Variants in SLC30A1 observed in about 807,000 individuals in gnomAD.
SLC30A1 encodes the protein proton-coupled zinc antiporter SLC30A1.
A neutral mutation model predicts 29.8 loss-of-function variants in SLC30A1; 7 were observed. That is an observed-to-expected ratio of 0.23 (90% CI 0.13 to 0.44). The LOEUF (loss-of-function observed/expected upper bound fraction) is 0.44, where lower values mean the gene tolerates loss of function less well. Ranked by LOEUF, SLC30A1 falls within the 20% of genes least tolerant of loss-of-function variation. SLC30A1 has a pLI of 1.00. For missense variants in SLC30A1, 446 were observed against 647.9 expected (o/e 0.69, Z 3.38); for synonymous variants, 254 against 253.5 (o/e 1.00, Z -0.02).
Position 211,578,639 on chromosome 1 carries a change from C to T in SLC30A1, c.-27G>A, listed in dbSNP as rs770319865. The T allele has an allele frequency of 1.5e-5, 22 of 1,508,770 alleles. No individual in the cohort carries two copies. Among genetic ancestry groups the T allele is most frequent in the Non-Finnish European group, 4.4e-6 (5 of 1,135,826 alleles). The allele number at this position is 1,508,770 out of a possible 1,614,324, so 93.5% of individuals were successfully genotyped here. ...GCTGCGGCTGCGGGGCCCGCCGAGCCCGGCCCGGAGACTGGTGCAGCGGCG... is the reference window on the plus strand; with the variant it reads ...GCTGCGGCTGCGGGGCCCGCCGAGCTCGGCCCGGAGACTGGTGCAGCGGCG... On this transcript the variant is annotated 5_prime_UTR_variant, in exon 1 of 2. Coordinates refer to ENST00000367001, the MANE Select transcript of SLC30A1 (RefSeq NM_021194.3).
In SLC30A1 at chr1:211,578,061, G is replaced by C. The variant is rs201826175; in HGVS notation, c.552C>G (p.Pro184=). Residue 184 remains proline, a synonymous_variant, in exon 1 of 2, where the codon CCC becomes CCG. Transcript: ENST00000367001. The part of the protein sequence containing the change: ...DINVAPGEQG[P]DQEETNTLVA... ...CCAGGGTGTTGGTCTCCTCCTGGTC[G>C]GGACCCTGCTCGCCCGGGGCCACGT... 5 of 1,612,922 alleles carry C rather than the reference G, an allele frequency of 3.1e-6. No individual in the cohort carries two copies. In the South Asian group the frequency reaches 3.3e-5, roughly 11 times the overall value.
Position 211,578,590 on chromosome 1 carries a change from C to G in SLC30A1, c.23G>C (p.Arg8Pro), listed in dbSNP as rs1400097138. The G allele has an allele frequency of 1.9e-6, 3 of 1,599,668 alleles. No homozygotes were observed. The highest frequency in any genetic ancestry group is 1.7e-5 in the Admixed American group (1 of 59,648). Residue 8 changes from arginine to proline, a missense_variant, in exon 1 of 2, where the codon CGG (arginine) becomes CCG (proline). Physicochemically the swap from Arg to Pro is moderately radical, Grantham distance 103. This residue lies in a region of SLC30A1 where 62 missense variants were observed against 91.5 expected (regional missense o/e 0.68). Coordinates refer to ENST00000367001, the MANE Select transcript of SLC30A1 (RefSeq NM_021194.3). MGCWGRN[R>P]GRLLCMLALT... The stretch of plus-strand genomic sequence containing the variant: ...CGCCAGCATGCACAGCAGCCGGCCC[C>G]GGTTCCGACCCCAACACCCCATGGC...
In SLC30A1 at chr1:211,576,190, C is replaced by G. The variant is rs753938415; in HGVS notation, c.722G>C (p.Gly241Ala). 1 of 1,613,670 alleles carries G rather than the reference C, an allele frequency of 6.2e-7. No homozygotes were observed. Among genetic ancestry groups the G allele is most frequent in the South Asian group, 1.1e-5 (1 of 91,082 alleles). ...DHMELEEDRAGQLNMRGVFLH... is the reference protein window; with the variant it reads ...DHMELEEDRAAQLNMRGVFLH... ...AAAAACTCCACGCATGTTAAGTTGT[C>G]CAGCCCTATCTTCTTCCAGTTCCAT... is the stretch of plus-strand genomic sequence containing the variant. The change falls in exon 2 of 2, where the codon GGA becomes GCA. Residue 241 changes from glycine to alanine, a missense_variant. Gly to Ala is a moderately conservative substitution (Grantham distance 60). Around this residue, in one of 5 missense-constraint regions of SLC30A1, gnomAD observed 159 missense variants for 161.1 expected, o/e 0.99. Coordinates refer to ENST00000367001, the MANE Select transcript of SLC30A1 (RefSeq NM_021194.3).
rs912109172 is a variant in SLC30A1 at position 211,578,962 on chromosome 1, C to T, written c.-350G>A. Among the ~76,000 whole-genome samples, 13 of 152,146 alleles carry T rather than the reference C, an allele frequency of 8.5e-5. No homozygotes were observed. In the East Asian group the frequency reaches 1.2e-3, roughly 14 times the overall value. ...GAGCCGGGGTACCAAGAGCCGCAGC[C>T]GGAGCAGGAGCAGGAGGGCGGCGGG... On this transcript the variant is annotated 5_prime_UTR_variant, in exon 1 of 2. Coordinates refer to ENST00000367001, the MANE Select transcript of SLC30A1 (RefSeq NM_021194.3).
chr1:211,578,595 C>T lies in SLC30A1; in HGVS notation c.18G>A (p.Arg6=). The T allele has an allele frequency of 1.3e-6, 2 of 1,598,306 alleles. No homozygotes were observed. The highest frequency in any genetic ancestry group is 1.7e-6 in the Non-Finnish European group (2 of 1,177,476). The change falls in exon 1 of 2, where the codon CGG becomes CGA. Residue 6 remains arginine (R), a synonymous_variant. Transcript: ENST00000367001. The part of the protein sequence containing the change: MGCWG[R]NRGRLLCMLA... ...GCATGCACAGCAGCCGGCCCCGGTT[C>T]CGACCCCAACACCCCATGGCTGCGG...
Position 211,578,631 on chromosome 1 carries a change from C to A in SLC30A1, c.-19G>T, listed in dbSNP as rs771166629. 4 of 1,522,148 alleles carry A rather than the reference C, an allele frequency of 2.6e-6. No homozygotes were observed. The highest frequency in any genetic ancestry group is 2.4e-5 in the East Asian group (1 of 41,810). 94.3% of individuals were successfully genotyped at this position (1,522,148 alleles called of 1,614,324 possible). On this transcript the variant is annotated 5_prime_UTR_variant, in exon 1 of 2. Coordinates refer to ENST00000367001, the MANE Select transcript of SLC30A1 (RefSeq NM_021194.3). The stretch of plus-strand genomic sequence containing the variant: ...ACCCCATGGCTGCGGCTGCGGGGCC[C>A]GCCGAGCCCGGCCCGGAGACTGGTG...
chr1:211,575,042 C>A lies in SLC30A1; in HGVS notation c.*346G>T. The A allele has an allele frequency of 5.8e-6, 1 of 172,436 alleles. No homozygotes were observed. The highest frequency in any genetic ancestry group is 1.2e-5 in the Non-Finnish European group (1 of 81,078). The allele number at this position is 172,436 out of a possible 1,614,324, so 10.7% of individuals were successfully genotyped here. ...GGGGAAAAGAAAAGCAGAGAAATTC[C>A]AGTAACAATTTTATTTATCCCCCTA... is the stretch of plus-strand genomic sequence containing the variant. On this transcript the variant is annotated 3_prime_UTR_variant, in exon 2 of 2. Transcript: ENST00000367001. This position sits in a 1 kb window ranked among gnomAD's most constrained non-coding sequence, Gnocchi z 6.0.
chr1:211,577,490 T>C lies in SLC30A1; in HGVS notation c.622+501A>G, dbSNP rs1706733770. ...GGGTTTACACGCTCTGAATGCATAT[T>C]ATGAAACGGAGTTCAATGGGCATAA... On this transcript the variant is annotated intron_variant, in intron 1 of 1. Coordinates refer to ENST00000367001, the MANE Select transcript of SLC30A1 (RefSeq NM_021194.3). This position sits in a 1 kb window ranked among gnomAD's most constrained non-coding sequence, Gnocchi z 4.5. Among the ~76,000 whole-genome samples the C allele has an allele frequency of 6.6e-6, 1 of 152,198 alleles. No homozygotes were observed. The highest frequency in any genetic ancestry group is 1.5e-5 in the Non-Finnish European group (1 of 68,036).
rs1049195080 is a variant in SLC30A1 at position 211,576,286 on chromosome 1, G to A, written c.626C>T (p.Pro209Leu). 2.6e-6 allele frequency: 4 copies of A among 1,557,996 alleles called. No individual in the cohort carries two copies. Among genetic ancestry groups the A allele is most frequent in the Non-Finnish European group, 3.5e-6 (4 of 1,153,916 alleles). Reference protein sequence around the residue: ...SNGLKLDPADPENPRSGDTVE... With the variant: ...SNGLKLDPADLENPRSGDTVE... The stretch of plus-strand genomic sequence containing the variant: ...TGTATCACCACTTCTGGGGTTTTCT[G>A]GGTCTACAAAGAAATAAAAATTTTA... Residue 209 changes from proline to leucine, a missense_variant, in exon 2 of 2, where the codon CCA becomes CTA. By Grantham distance (98) the Pro-to-Leu change is moderately conservative. This residue lies in a region of SLC30A1 where 159 missense variants were observed against 161.1 expected (regional missense o/e 0.99). Coordinates refer to ENST00000367001, the MANE Select transcript of SLC30A1 (RefSeq NM_021194.3).
chr1:211,577,859 G>GT lies in SLC30A1; in HGVS notation c.622+131_622+132insA. On this transcript the variant is annotated intron_variant, in intron 1 of 1. Transcript: ENST00000367001. This position sits in a 1 kb window ranked among gnomAD's most constrained non-coding sequence, Gnocchi z 4.5. ...AGCGGGGCGTGTGCAGGACGGGGAG[G>GT]GAGCAGGCAGGGGCGGCGCGGCGCA... 18 of 1,211,590 alleles carry GT rather than the reference G, an allele frequency of 1.5e-5. No homozygotes were observed. The highest frequency in any genetic ancestry group is 2.0e-5 in the Non-Finnish European group (18 of 890,246). 75.1% of individuals were successfully genotyped at this position (1,211,590 alleles called of 1,614,324 possible). A position where few individuals can be genotyped will look rare whatever the true frequency, so the allele number is the denominator to read the frequency against.
In SLC30A1 at chr1:211,578,508, C is replaced by A. The variant is rs577421431; in HGVS notation, c.105G>T (p.Leu35=). Residue 35 remains leucine, a synonymous_variant, in exon 1 of 2, where the codon CTG becomes CTT. Transcript: ENST00000367001. ...EVVVSRVTSS[L]AMLSDSFHML... is the part of the protein sequence containing the mutation. The stretch of plus-strand genomic sequence containing the variant: ...TGTGGAAGGAGTCGGAGAGCATCGC[C>A]AGCGACGAGGTCACCCGGCTCACCA... 23 of 1,611,570 alleles carry A rather than the reference C, an allele frequency of 1.4e-5. No homozygotes were observed. The highest frequency in any genetic ancestry group is 3.3e-5 in the South Asian group (3 of 90,786).
rs1041128149 is a variant in SLC30A1, at chr1:211,573,855, C to G, written c.*1533G>C. ...ATCAGCTGTTCTTAAATAGGCCCATCGCCAGCAATAGGCTTATACTAGGAA... is the reference window on the plus strand; with the variant it reads ...ATCAGCTGTTCTTAAATAGGCCCATGGCCAGCAATAGGCTTATACTAGGAA... On this transcript the variant is annotated 3_prime_UTR_variant, in exon 2 of 2. Transcript: ENST00000367001. The G allele has an allele frequency of 6.6e-6, 1 of 152,420 alleles. No individual in the cohort carries two copies. Among genetic ancestry groups the G allele is most frequent in the East Asian group, 1.9e-4 (1 of 5,194 alleles). 9.4% of individuals were successfully genotyped at this position (152,420 alleles called of 1,614,324 possible).
Position 211,575,448 on chromosome 1 carries a change from G to A in SLC30A1, c.1464C>T (p.Ile488=). The change falls in exon 2 of 2, where the codon ATC becomes ATT. Residue 488 remains isoleucine (I), a synonymous_variant. Transcript: ENST00000367001. The surrounding 1 kb of genome is among the most constrained non-coding windows in gnomAD (Gnocchi z 6.0). The stretch of plus-strand genomic sequence containing the variant: ...TTTTAATCTCTATCACAACAGCAGG[G>A]ATGTTTTCAGCTTTAGTCCTCCTGG... ...KKPRRTKAEN[I]PAVVIEIKNM... is the part of the protein sequence containing the mutation. 6.2e-7 allele frequency: 1 copy of A among 1,613,758 alleles called. No individual in the cohort carries two copies. Among genetic ancestry groups the A allele is most frequent in the Non-Finnish European group, 8.5e-7 (1 of 1,179,840 alleles).
In SLC30A1 at chr1:211,574,768, A is replaced by C. The variant is rs1706698372; in HGVS notation, c.*620T>G. On this transcript the variant is annotated 3_prime_UTR_variant, in exon 2 of 2. Transcript: ENST00000367001. ...CTTTCTTCCTTGCTCTTACTACCCC[A>C]TTTGCCCCATTGTGTGTAAACTGTA... 1 of 152,130 alleles carries C rather than the reference A, an allele frequency of 6.6e-6. No individual in the cohort carries two copies. Among genetic ancestry groups the C allele is most frequent in the African/African-American group, 2.4e-5 (1 of 41,448 alleles). 9.4% of individuals were successfully genotyped at this position (152,130 alleles called of 1,614,324 possible). A position where few individuals can be genotyped will look rare whatever the true frequency, so the allele number is the denominator to read the frequency against.
rs1394391322 is a variant in SLC30A1 at position 211,578,927 on chromosome 1, T to TGGGCTCCAGGAGCC, written c.-316_-315insGGCTCCTGGAGCCC. On this transcript the variant is annotated 5_prime_UTR_variant, in exon 1 of 2. The change creates a premature stop within an existing upstream ORF in the 5' untranslated region. Transcript: ENST00000367001. ...CCAGGCGGCGGCGGTGGCGGGGAGCTGGGCTCCCGGAGCCGGGGTACCAAG... is the reference window on the plus strand; with the variant it reads ...CCAGGCGGCGGCGGTGGCGGGGAGCTGGGCTCCAGGAGCCGGGCTCCCGGAGCCGGGGTACCAAG... Among the ~76,000 whole-genome samples, 1 of 152,114 alleles carries TGGGCTCCAGGAGCC rather than the reference T, an allele frequency of 6.6e-6. No individual in the cohort carries two copies. Among genetic ancestry groups the TGGGCTCCAGGAGCC allele is most frequent in the African/African-American group, 2.4e-5 (1 of 41,428 alleles).
chr1:211,572,146 G>A lies in SLC30A1; in HGVS notation c.*3242C>T, dbSNP rs1706661032. On this transcript the variant is annotated 3_prime_UTR_variant, in exon 2 of 2. Transcript: ENST00000367001. ...CAAAATAGCATTACCACATAGTATC[G>A]GTAGAGCTACATCAAAATAGTGCTA... The A allele has an allele frequency of 2.0e-5, 3 of 152,026 alleles. No individual in the cohort carries two copies. Among genetic ancestry groups the A allele is most frequent in the South Asian group, 2.1e-4 (1 of 4,820 alleles). 9.4% of individuals were successfully genotyped at this position (152,026 alleles called of 1,614,324 possible).
In SLC30A1 at chr1:211,574,008, G is replaced by A. The variant is rs1426311965; in HGVS notation, c.*1380C>T. On this transcript the variant is annotated 3_prime_UTR_variant, in exon 2 of 2. Transcript: ENST00000367001. ...AACGTAGCCATCCCAAAAGTAGTCAGCTATAAAAGTAGTCAGAATACCTTG... is the reference window on the plus strand; with the variant it reads ...AACGTAGCCATCCCAAAAGTAGTCAACTATAAAAGTAGTCAGAATACCTTG... The A allele has an allele frequency of 6.6e-6, 1 of 152,470 alleles. No homozygotes were observed. The highest frequency in any genetic ancestry group is 1.9e-4 in the East Asian group (1 of 5,208). 9.4% of individuals were successfully genotyped at this position (152,470 alleles called of 1,614,324 possible). A position where few individuals can be genotyped will look rare whatever the true frequency, so the allele number is the denominator to read the frequency against.
In SLC30A1 at chr1:211,578,169, G is replaced by A; in HGVS notation, c.444C>T (p.His148=). 6.2e-7 allele frequency: 1 copy of A among 1,608,434 alleles called. No homozygotes were observed. The highest frequency in any genetic ancestry group is 8.5e-7 in the Non-Finnish European group (1 of 1,178,146). ...SGFSQDSGHG[H]SHGGHGHGHG... is the part of the protein sequence containing the mutation. Reference sequence around the variant, plus strand: ...GGCCGTGGCCGTGACCCCCGTGCGAGTGGCCGTGGCCGGAGTCCTGGCTGA... The same window carrying A: ...GGCCGTGGCCGTGACCCCCGTGCGAATGGCCGTGGCCGGAGTCCTGGCTGA... Residue 148 remains histidine, a synonymous_variant, in exon 1 of 2, where the codon CAC becomes CAT. Transcript: ENST00000367001.
In SLC30A1 at chr1:211,575,227, A is replaced by T; in HGVS notation, c.*161T>A. 1 of 636,862 alleles carries T rather than the reference A, an allele frequency of 1.6e-6. No homozygotes were observed. The highest frequency in any genetic ancestry group is 2.7e-6 in the Non-Finnish European group (1 of 368,678). The allele number at this position is 636,862 out of a possible 1,614,324, so 39.5% of individuals were successfully genotyped here. On this transcript the variant is annotated 3_prime_UTR_variant, in exon 2 of 2. Transcript: ENST00000367001. The surrounding 1 kb of genome is among the most constrained non-coding windows in gnomAD (Gnocchi z 6.0). Reference sequence around the variant, plus strand: ...AATAATCACAAAATTGTAATATAGAACTCTGTTATGCAGTCCCATTATGTT... The same window carrying T: ...AATAATCACAAAATTGTAATATAGATCTCTGTTATGCAGTCCCATTATGTT...
Sources: allele counts gnomAD v4.1 joint callset (sites outside exome capture counted in the v4.1 genomes callset), GRCh38; gene constraint gnomAD v4.1.1; regional missense constraint gnomAD v4.1.1; non-coding constraint Gnocchi (gnomAD v3.1); transcripts MANE v1.5; gene names NCBI Gene and HGNC (gene_info 2026-07-23, HGNC 2026-07-21).